Variants in SPTAN1 observed in about 807,000 individuals in gnomAD.
SPTAN1 encodes the protein spectrin alpha, non-erythrocytic 1.
In SPTAN1, 61 loss-of-function variants were observed where a neutral mutation model predicts 331.3. The ratio of observed to expected loss-of-function variants is 0.18; its 90% CI spans 0.15 to 0.23. SPTAN1 has a LOEUF of 0.23. Ranked by LOEUF, SPTAN1 falls within the 10% of genes least tolerant of loss-of-function variation. The pLI, the probability that SPTAN1 is intolerant of heterozygous loss-of-function variation, is 1.00. For missense variants in SPTAN1, 2,043 were observed against 3,147.9 expected (o/e 0.65, Z 8.40); for synonymous variants, 1,153 against 1,173.9 (o/e 0.98, Z 0.36).
At position 128,629,760 on chromosome 9, in the gene SPTAN1, C is replaced by A; in HGVS notation, c.6708-561C>A. On this transcript the variant is annotated intron_variant, in intron 51 of 56. Coordinates refer to ENST00000372739, the MANE Select transcript of SPTAN1 (RefSeq NM_001130438.3). This position sits in a 1 kb window ranked among gnomAD's most constrained non-coding sequence, Gnocchi z 4.9. The stretch of plus-strand genomic sequence containing the variant: ...GGATCTGGGGTTTAGTCACAGCCAT[C>A]TCTCTCCTTTTGGCACAGTTGGTCG... 4.6e-6 allele frequency: 1 copy of A among 217,486 alleles called. No homozygotes were observed. The highest frequency in any genetic ancestry group is 9.4e-6 in the Non-Finnish European group (1 of 106,742). 13.5% of individuals were successfully genotyped at this position (217,486 alleles called of 1,614,324 possible). A position where few individuals can be genotyped will look rare whatever the true frequency, so the allele number is the denominator to read the frequency against.
intron 19 of SPTAN1, among the ~76,000 whole-genome samples, chr9:128,586,921 G>A (rs1852726098): frequency 6.6e-6 from 1 of 151,708 alleles, no homozygotes; most frequent in African/African-American, 2.4e-5. Context: ...GGGTTCAAGC[G>A]ATTCTTCTGC....
intron 1 of SPTAN1, among the ~76,000 whole-genome samples, chr9:128,565,392 A>G (rs77425677): frequency 2.1e-3 from 315 of 152,378 alleles, no homozygotes; most frequent in African/African-American, 7.4e-3. Flanking sequence ...GACTGTGGAA[A>G]AACAATAATA....
intron 55 of SPTAN1, 29 bp from the exon 56 acceptor site, chr9:128,632,779 G>C: frequency 6.2e-7 from 1 of 1,614,026 alleles, no homozygotes; most frequent in Non-Finnish European, 8.5e-7. Flanking sequence ...TGCCCTCCCT[G>C]CTCAGGCTCT....
At chr9:128,561,798 C>T (rs1040531284) in intron 1 of SPTAN1, among the ~76,000 whole-genome samples, 2 of 150,798 alleles carry the variant, frequency 1.3e-5, no homozygotes. Context: ...AACTTGCTTA[C>T]TAAATTACCT....
At chr9:128,585,020 T>C (rs1346234179) in intron 18 of SPTAN1, among the ~76,000 whole-genome samples, 177 bp downstream of exon 18, 2 of 150,680 alleles carry the variant, frequency 1.3e-5, no homozygotes, top group African/African-American at 2.4e-5. Context: ...AATTTCTTTT[T>C]TTTTTTTTTT....
chr9:128,579,339 C>T (rs1851673877), intron 9 of SPTAN1, among the ~76,000 whole-genome samples: 1 of 152,158 alleles, frequency 6.6e-6, no homozygotes, highest in Non-Finnish European at 1.5e-5. Flanking sequence ...GTCCATTTGG[C>T]ACAAAGAAGA....
At position 128,608,264 on chromosome 9, in the gene SPTAN1, G is replaced by A. The variant is rs201716851; in HGVS notation, c.4479G>A (p.Ala1493=). The change falls in exon 34 of 57, where the codon GCG becomes GCA. Residue 1493 remains alanine (A), a synonymous_variant. Transcript: ENST00000372739. ...LIKKHEDFDK[A]INVQEEKIAA... is the part of the protein sequence containing the mutation. ...AAAAACATGAAGACTTTGACAAAGC[G>A]ATTAACGTCCAGGTGAGGCCTCTGG... 1.5e-5 allele frequency: 25 copies of A among 1,614,150 alleles called. 1 individual carries two copies. Among genetic ancestry groups the A allele is most frequent in the South Asian group, 8.8e-5 (8 of 91,078 alleles).
At chr9:128,593,407 G>T (rs12002245) in intron 23 of SPTAN1, 29 of 264,674 alleles carry the variant, frequency 1.1e-4, no homozygotes, top group African/African-American at 6.3e-4. Flanking sequence ...CTGATTCTTG[G>T]TAACTCATTG....
Position 128,585,936 on chromosome 9 carries a change from G to C in SPTAN1, c.2749G>C (p.Asp917His). 1 of 1,613,006 alleles carries C rather than the reference G, an allele frequency of 6.2e-7. No homozygotes were observed. The highest frequency in any genetic ancestry group is 8.5e-7 in the Non-Finnish European group (1 of 1,180,020). Residue 917 changes from aspartate (D) to histidine (H), a missense_variant, in exon 19 of 57, where the codon GAC becomes CAC. Physicochemically the swap from Asp to His is moderately conservative, Grantham distance 81. Around this residue, in one of 12 missense-constraint regions of SPTAN1, gnomAD observed 1,038 missense variants for 1,531.5 expected, o/e 0.68. Coordinates refer to ENST00000372739, the MANE Select transcript of SPTAN1 (RefSeq NM_001130438.3). ...GAAGGAACCCATTGTGGGCAGCACT[G>C]ACTATGGCAAGGACGAAGACTCTGC... Reference protein sequence around the residue: ...REKEPIVGSTDYGKDEDSAEA... With the variant: ...REKEPIVGSTHYGKDEDSAEA...
Position 128,588,841 on chromosome 9 carries a change from G to C in SPTAN1, c.2904G>C (p.Gly968=). The change falls in exon 21 of 57, where the codon GGG becomes GGC. Residue 968 remains glycine (G), a synonymous_variant. Transcript: ENST00000372739. ...TGGCCCCCACGGATGATGAGACTGG[G>C]AAGGAGCTGGTCTTGGCTCTCTACG... ...QQVAPTDDET[G]KELVLALYDY... 6.2e-7 allele frequency: 1 copy of C among 1,614,158 alleles called. No homozygotes were observed. Among genetic ancestry groups the C allele is most frequent in the Non-Finnish European group, 8.5e-7 (1 of 1,180,018 alleles).
rs1000953802 is a variant in SPTAN1, at chr9:128,598,424, T to C, written c.3439T>C (p.Leu1147=). The C allele has an allele frequency of 1.2e-6, 2 of 1,613,252 alleles. No individual in the cohort carries two copies. Among genetic ancestry groups the C allele is most frequent in the Non-Finnish European group, 8.5e-7 (1 of 1,179,902 alleles). Residue 1147 remains leucine (L), a synonymous_variant, in exon 25 of 57, where the codon TTG becomes CTG. Transcript: ENST00000372739. ...GGACCTGAAGGCCAATGAGTCACGGTTGAAGGACATTAACAAGGTAGCTGA... is the reference window on the plus strand; with the variant it reads ...GGACCTGAAGGCCAATGAGTCACGGCTGAAGGACATTAACAAGGTAGCTGA... ...QKDLKANESR[L]KDINKVAEDL... is the part of the protein sequence containing the mutation.
rs781500513 is a variant in SPTAN1, at chr9:128,574,863, G to GA, written c.504+50dup. On this transcript the variant is annotated intron_variant, in intron 4 of 56. Coordinates refer to ENST00000372739, the MANE Select transcript of SPTAN1 (RefSeq NM_001130438.3). The stretch of plus-strand genomic sequence containing the variant: ...TGCTAAGCTTTACTCAAAGAAAAGG[G>GA]AAGAGACTCCTCTGTGATCTGTAGT... 55 of 1,612,758 alleles carry GA rather than the reference G, an allele frequency of 3.4e-5. No homozygotes were observed. The South Asian group carries it at 5.8e-4, about 17-fold the overall frequency.
At chr9:128,607,576 G>T in intron 31 of SPTAN1, 28 bp from the exon 32 acceptor site, 1 of 1,568,390 alleles carries the variant, frequency 6.4e-7, no homozygotes, top group African/African-American at 1.3e-5. Context: ...TAATATAATA[G>T]CTATTTTTCT....
chr9:128,583,982 G>T lies in SPTAN1; in HGVS notation c.2193+13G>T. 6.2e-7 allele frequency: 1 copy of T among 1,614,126 alleles called. No homozygotes were observed. Among genetic ancestry groups the T allele is most frequent in the Admixed American group, 1.7e-5 (1 of 60,018 alleles). On this transcript the variant is annotated intron_variant, in intron 16 of 56. Coordinates refer to ENST00000372739, the MANE Select transcript of SPTAN1 (RefSeq NM_001130438.3). The stretch of plus-strand genomic sequence containing the variant: ...GGCTGCTCACCAGGTAGTGTGAACT[G>T]GGGGCTGTGGTTGGGCAAGTGAATG...
chr9:128,632,539 G>A, intron 54 of SPTAN1, 33 bp from the exon 55 acceptor site: 15 of 1,614,140 alleles, frequency 9.3e-6, no homozygotes, highest in East Asian at 2.2e-5. Flanking sequence ...CAGCAGGGCT[G>A]CCTGCTGAGC....
chr9:128,629,362 T>TC lies in SPTAN1; in HGVS notation c.6708-955dup, dbSNP rs1859300204. On this transcript the variant is annotated intron_variant, in intron 51 of 56. Coordinates refer to ENST00000372739, the MANE Select transcript of SPTAN1 (RefSeq NM_001130438.3). This position sits in a 1 kb window ranked among gnomAD's most constrained non-coding sequence, Gnocchi z 4.9. ...TGCCCCCAGGTCCTGGGGGGCATTTTCCCCGGGGGGACATGGCGTGACTGT... is the reference window on the plus strand; with the variant it reads ...TGCCCCCAGGTCCTGGGGGGCATTTTCCCCCGGGGGGACATGGCGTGACTGT... 1.3e-5 allele frequency among the ~76,000 whole-genome samples: 2 copies of TC among 151,704 alleles called. No homozygotes were observed. The highest frequency in any genetic ancestry group is 4.2e-4 in the South Asian group (2 of 4,806).
chr9:128,604,759 C>T (rs1855599109), intron 29 of SPTAN1, among the ~76,000 whole-genome samples: 1 of 152,000 alleles, frequency 6.6e-6, no homozygotes, highest in Non-Finnish European at 1.5e-5. Flanking sequence ...TGGGGAAACC[C>T]ACCTCTACTA....
intron 3 of SPTAN1, 138 bp downstream of exon 3, chr9:128,569,035 G>A: frequency 8.4e-7 from 1 of 1,194,244 alleles, no homozygotes; most frequent in South Asian, 1.3e-5. Context: ...TCCTTAAGAA[G>A]TTACCCGAAT....
chr9:128,577,469 G>A lies in SPTAN1; in HGVS notation c.1048G>A (p.Ala350Thr). 1 of 1,614,124 alleles carries A rather than the reference G, an allele frequency of 6.2e-7. No individual in the cohort carries two copies. Among genetic ancestry groups the A allele is most frequent in the Non-Finnish European group, 8.5e-7 (1 of 1,180,042 alleles). The part of the protein sequence containing the change: ...ITNWEQIRTL[A>T]AERHARLNDS... ...AAACTGGGAGCAGATCCGCACCTTG[G>A]CGGCAGAGAGACATGCACGGCTCAA... The change falls in exon 8 of 57, where the codon GCG becomes ACG. Residue 350 changes from alanine to threonine, a missense_variant. By Grantham distance (58) the Ala-to-Thr change is moderately conservative. Around this residue, in one of 12 missense-constraint regions of SPTAN1, gnomAD observed 1,038 missense variants for 1,531.5 expected, o/e 0.68. Transcript: ENST00000372739. The surrounding 1 kb of genome is among the most constrained non-coding windows in gnomAD (Gnocchi z 4.2).
Sources: gnomAD v4.1 joint callset for allele counts (sites outside exome capture counted in the v4.1 genomes callset) on GRCh38, gnomAD v4.1.1 for gene constraint, gnomAD v4.1.1 regional missense constraint, Gnocchi (gnomAD v3.1) non-coding constraint, MANE v1.5 for transcripts, NCBI Gene and HGNC (gene_info 2026-07-23, HGNC 2026-07-21) for gene names.